Variants in TRERF1 observed in about 807,000 individuals in gnomAD.
TRERF1 encodes transcriptional regulating factor 1, also known as transcriptional-regulating factor 1.
TRERF1 carries 27 observed loss-of-function variants against 122.9 expected under a neutral mutation model. That is an observed-to-expected ratio of 0.22 (90% CI 0.16 to 0.30). TRERF1 has a LOEUF of 0.30. TRERF1 is among the 10% of genes least tolerant of loss of function. TRERF1 has a pLI of 1.00. For missense variants in TRERF1, 1,248 were observed against 1,560.3 expected (o/e 0.80, Z 3.37); for synonymous variants, 636 against 641.7 (o/e 0.99, Z 0.13).
chr6:42,315,760 C>T lies in TRERF1; in HGVS notation c.-370-15011G>A, dbSNP rs561639643. On this transcript the variant is annotated intron_variant, in intron 3 of 17. Transcript: ENST00000372922. ...AACGTCATAGTGAAGTGTCTGAGGG[C>T]TGGAGAACGCTGCAAGTCTGAGCAG... 4.6e-5 allele frequency among the ~76,000 whole-genome samples: 6 copies of T among 131,786 alleles called. No individual in the cohort carries two copies. In the East Asian group the frequency reaches 1.5e-3, roughly 34 times the overall value. The allele number at this position is 131,786 out of a possible 152,430, so 86.5% of individuals were successfully genotyped here. A position where few individuals can be genotyped will look rare whatever the true frequency, so the allele number is the denominator to read the frequency against.
At chr6:42,381,044 T>C (rs1156476779) in intron 2 of TRERF1, among the ~76,000 whole-genome samples, 2 of 152,194 alleles carry the variant, frequency 1.3e-5, no homozygotes, top group Admixed American at 6.5e-5. Context: ...TAAGCAGGGT[T>C]TGTCTCTCCC....
At chr6:42,260,076 T>C (rs897468191) in intron 8 of TRERF1, among the ~76,000 whole-genome samples, 4 of 151,994 alleles carry the variant, frequency 2.6e-5, no homozygotes, top group East Asian at 1.9e-4. Context: ...AATTCCCCCA[T>C]TGCTCCCCAG....
Position 42,393,103 on chromosome 6 carries a change from G to A in TRERF1, c.-453-30024C>T, listed in dbSNP as rs893995861. On this transcript the variant is annotated intron_variant, in intron 2 of 17. Coordinates refer to ENST00000372922, the Ensembl canonical transcript of TRERF1. The surrounding 1 kb of genome is among the most constrained non-coding windows in gnomAD (Gnocchi z 4.1). ...CGAGCCAGCTTCCACACGCATCACC[G>A]ATCTAGGTCCTATTGTCAATAATCT... Among the ~76,000 whole-genome samples the A allele has an allele frequency of 2.6e-5, 4 of 152,262 alleles. No individual in the cohort carries two copies. The highest frequency in any genetic ancestry group is 1.9e-4 in the East Asian group (1 of 5,184).
intron 3 of TRERF1, among the ~76,000 whole-genome samples, chr6:42,347,897 CG>C (rs1395880146): frequency 6.6e-6 from 1 of 152,126 alleles, no homozygotes; most frequent in African/African-American, 2.4e-5. Flanking sequence ...TAATACCGAA[CG>C]GGGAGCATTT....
Position 42,296,497 on chromosome 6 carries a change from T to C in TRERF1, c.-259+4141A>G, listed in dbSNP as rs1392811645. Among the ~76,000 whole-genome samples, 3 of 152,188 alleles carry C rather than the reference T, an allele frequency of 2.0e-5. No homozygotes were observed. The East Asian group carries it at 5.8e-4, about 29-fold the overall frequency. The stretch of plus-strand genomic sequence containing the variant: ...TACAAGCTCTACAGGCATCATTTCA[T>C]TAAGTCCTTGAATAGCTCTATCCAC... On this transcript the variant is annotated intron_variant, in intron 4 of 17. Coordinates refer to ENST00000372922, the Ensembl canonical transcript of TRERF1.
intron 2 of TRERF1, among the ~76,000 whole-genome samples, chr6:42,429,577 T>A (rs905628788): frequency 6.6e-6 from 1 of 151,894 alleles, no homozygotes; most frequent in South Asian, 2.1e-4. Context: ...AAATCTTAAT[T>A]AAAAAAAATT....
chr6:42,284,961 G>A lies in TRERF1; in HGVS notation c.-258-15113C>T, dbSNP rs551885418. On this transcript the variant is annotated intron_variant, in intron 4 of 17. Transcript: ENST00000372922. ...ACTCTGAAAACATTTTCTGAAGTAA[G>A]CAGACCTTTTTTTTTTCAAAGGTCC... Among the ~76,000 whole-genome samples, 4 of 152,226 alleles carry A rather than the reference G, an allele frequency of 2.6e-5. No homozygotes were observed. In the East Asian group the frequency reaches 7.7e-4, roughly 29 times the overall value.
chr6:42,387,199 CA>C (rs1292009510), intron 2 of TRERF1, among the ~76,000 whole-genome samples: 1 of 152,160 alleles, frequency 6.6e-6, no homozygotes, highest in African/African-American at 2.4e-5. Flanking sequence ...GGGGTAAACC[CA>C]CTCTGCCCCA....
intron 4 of TRERF1, among the ~76,000 whole-genome samples, chr6:42,288,618 C>T (rs79250940): frequency 0.019 from 2,835 of 146,608 alleles, 111 homozygotes; most frequent in African/African-American, 0.067. Context: ...GGGGTTGTGA[C>T]CTTGGCAGAA....
rs187630842 is a variant in TRERF1 at position 42,288,859 on chromosome 6, C to A, written c.-259+11779G>T. 4.0e-5 allele frequency among the ~76,000 whole-genome samples: 6 copies of A among 151,886 alleles called. No individual in the cohort carries two copies. The East Asian group carries it at 9.7e-4, about 25-fold the overall frequency. The stretch of plus-strand genomic sequence containing the variant: ...CACAGTGATGAAACTGGACAGGGGG[C>A]AAGGGCAAGACCATCCAAGCCTCTT... On this transcript the variant is annotated intron_variant, in intron 4 of 17. Coordinates refer to ENST00000372922, the Ensembl canonical transcript of TRERF1.
intron 3 of TRERF1, among the ~76,000 whole-genome samples, chr6:42,315,740 C>T (rs1345850056): frequency 6.9e-6 from 1 of 145,254 alleles, no homozygotes; most frequent in Non-Finnish European, 1.5e-5. Flanking sequence ...CCCCTAACGT[C>T]ATAGTGAAGT....
chr6:42,280,514 G>A (rs1224263330), intron 4 of TRERF1, among the ~76,000 whole-genome samples: 2 of 152,234 alleles, frequency 1.3e-5, no homozygotes, highest in Non-Finnish European at 2.9e-5. Context: ...GTGCTCAGGA[G>A]GCACTGACCC....
chr6:42,389,189 A>G (rs765875219), intron 2 of TRERF1, among the ~76,000 whole-genome samples: 1 of 152,216 alleles, frequency 6.6e-6, no homozygotes, highest in Non-Finnish European at 1.5e-5. Context: ...TACAGTTGAC[A>G]CTGAAATCTG....
At chr6:42,264,842 T>C (rs1561861309) in exon 7 of TRERF1, 1 of 1,614,162 alleles carries the variant, frequency 6.2e-7, no homozygotes, top group Non-Finnish European at 8.5e-7. Flanking sequence ...CAAACGCTCC[T>C]TTGGGTTGGC....
chr6:42,423,876 G>A (rs1350179542), intron 2 of TRERF1, among the ~76,000 whole-genome samples: 2 of 152,114 alleles, frequency 1.3e-5, no homozygotes, highest in East Asian at 1.9e-4. Flanking sequence ...AGGAACCTTC[G>A]AAAACCTGCC....
At chr6:42,445,280 A>C (rs1787266380) in intron 2 of TRERF1, among the ~76,000 whole-genome samples, 1 of 150,098 alleles carries the variant, frequency 6.7e-6, no homozygotes, top group African/African-American at 2.5e-5. Context: ...AAAAAAAAAA[A>C]ACAAAAAACG....
intron 2 of TRERF1, among the ~76,000 whole-genome samples, chr6:42,403,224 G>A (rs1296845258): frequency 2.6e-5 from 4 of 152,084 alleles, no homozygotes; most frequent in Non-Finnish European, 4.4e-5. Context: ...AACGAGGCTG[G>A]TGCTAGGTTG....
rs775560146 is a variant in TRERF1 at position 42,268,665 on chromosome 6, GGCT to G, written c.923_925del (p.Gln308del). The G allele has an allele frequency of 1.2e-6, 2 of 1,613,938 alleles. No homozygotes were observed. The highest frequency in any genetic ancestry group is 3.3e-5 in the Admixed American group (2 of 59,994). ...CCGCTGCTGCAGCTGTAGCTGCTGC[GGCT>G]GCTGCTGCTGTGGCGGCGGCTGTGG... On this transcript the variant is annotated inframe_deletion, in exon 5 of 18. Transcript: ENST00000372922. This position sits in a 1 kb window ranked among gnomAD's most constrained non-coding sequence, Gnocchi z 4.4.
At chr6:42,424,123 T>A (rs1783257024) in intron 2 of TRERF1, among the ~76,000 whole-genome samples, 1 of 152,250 alleles carries the variant, frequency 6.6e-6, no homozygotes. Flanking sequence ...GTACCCATTC[T>A]CCAGCTGATG....
Sources: allele counts gnomAD v4.1 joint callset (sites outside exome capture counted in the v4.1 genomes callset), GRCh38; gene constraint gnomAD v4.1.1; non-coding constraint Gnocchi (gnomAD v3.1); transcripts MANE v1.5; gene names NCBI Gene and HGNC (gene_info 2026-07-23, HGNC 2026-07-21).